The following XKR9 variants were observed in gnomAD, a reference collection of about 807,000 sequenced individuals.
The protein encoded by XKR9 is XK related 9.
A neutral mutation model predicts 32.0 loss-of-function variants in XKR9; 32 were observed. That is an observed-to-expected ratio of 1.00 (90% CI 0.76 to 1.34). The LOEUF is 1.34. XKR9 is among the 40% of genes most tolerant of loss of function. XKR9 has a pLI of 0.00. For missense variants in XKR9, 546 were observed against 429.7 expected (o/e 1.27, Z -2.39); for synonymous variants, 168 against 143.4 (o/e 1.17, Z -1.22).
chr8:70,783,261 C>T (rs192067565), intron 2 of XKR9, among the ~76,000 whole-genome samples: 35 of 150,810 alleles, frequency 2.3e-4, no homozygotes, highest in African/African-American at 8.3e-4. Context: ...CGGAGTCTGA[C>T]TCTCGCCCAG....
At chr8:70,968,639 G>A in the XKR9 span, among the ~76,000 whole-genome samples, 1 of 151,870 alleles carries the variant, frequency 6.6e-6, no homozygotes, top group African/African-American at 2.4e-5. Flanking sequence ...CTTTTTTGTT[G>A]ATGTTGTTGT....
At chr8:70,867,753 A>G in the XKR9 span, among the ~76,000 whole-genome samples, 11 of 152,114 alleles carry the variant, frequency 7.2e-5, no homozygotes, top group Non-Finnish European at 1.5e-4. Context: ...CAGCCAGTCA[A>G]TACCCCAAAG....
chr8:70,772,974 G>T (rs1008136603), intron 2 of XKR9, among the ~76,000 whole-genome samples: 3 of 152,152 alleles, frequency 2.0e-5, no homozygotes, highest in Non-Finnish European at 4.4e-5. Context: ...CCATTGGCTT[G>T]TTGGGAAATC....
chr8:70,788,998 T>C (rs1396225525), intron 2 of XKR9, among the ~76,000 whole-genome samples: 1 of 151,958 alleles, frequency 6.6e-6, no homozygotes, highest in Admixed American at 6.6e-5. Context: ...TATGAGAAAA[T>C]ATAGTGAAGT....
At chr8:71,045,263 G>A in the XKR9 span, among the ~76,000 whole-genome samples, 1 of 152,152 alleles carries the variant, frequency 6.6e-6, no homozygotes, top group Non-Finnish European at 1.5e-5. Context: ...TATCCGCAAA[G>A]CTTGTCACGT....
the XKR9 span, among the ~76,000 whole-genome samples, chr8:70,866,598 G>T: frequency 6.6e-6 from 1 of 151,842 alleles, no homozygotes; most frequent in African/African-American, 2.4e-5. Context: ...ATGAACTAAT[G>T]GAATTTTTTT....
the XKR9 span, among the ~76,000 whole-genome samples, chr8:70,815,964 G>T: frequency 1.3e-5 from 2 of 152,096 alleles, no homozygotes; most frequent in Non-Finnish European, 2.9e-5. Context: ...ACACATGCAT[G>T]TGTCTTTATA....
the XKR9 span, among the ~76,000 whole-genome samples, chr8:70,976,038 CTGTT>C: frequency 2.6e-5 from 4 of 152,258 alleles, no homozygotes; most frequent in Non-Finnish European, 4.4e-5. Context: ...ATTTGGCTCT[CTGTT>C]TGTCTGTTAT....
the XKR9 span, among the ~76,000 whole-genome samples, chr8:70,901,504 T>A: frequency 1.3e-5 from 2 of 152,026 alleles, no homozygotes. Flanking sequence ...TTTGAAGGGG[T>A]GTTTGGTTTT....
At chr8:70,888,677 T>G in the XKR9 span, among the ~76,000 whole-genome samples, 1 of 152,170 alleles carries the variant, frequency 6.6e-6, no homozygotes, top group East Asian at 1.9e-4. Flanking sequence ...CATATGTATA[T>G]CCAGTTTTCC....
chr8:70,721,871 C>T lies in XKR9; in HGVS notation c.494-11925C>T, dbSNP rs538121554. 1.4e-4 allele frequency among the ~76,000 whole-genome samples: 22 copies of T among 152,146 alleles called. No homozygotes were observed. The South Asian group carries it at 4.6e-3, about 32-fold the overall frequency. On this transcript the variant is annotated intron_variant, in intron 4 of 4. Transcript: ENST00000408926. ...CTGAATATCCTTGTTAATTTTCTGT[C>T]TCATTGATCTAATATTGACAGTGGG...
the XKR9 span, among the ~76,000 whole-genome samples, chr8:70,956,540 G>T: frequency 6.6e-6 from 1 of 152,114 alleles, no homozygotes; most frequent in African/African-American, 2.4e-5. Flanking sequence ...TTTCACTGGG[G>T]ACCTTCCCCC....
downstream of XKR9, among the ~76,000 whole-genome samples, chr8:70,738,919 TGTG>T (rs1437869120): frequency 2.0e-5 from 3 of 152,214 alleles, no homozygotes; most frequent in Non-Finnish European, 4.4e-5. Flanking sequence ...ATAGGTGTGG[TGTG>T]GTACTGAAAG....
the XKR9 span, among the ~76,000 whole-genome samples, chr8:70,835,861 A>G: frequency 2.0e-5 from 3 of 152,190 alleles, no homozygotes; most frequent in Admixed American, 2.0e-4. Context: ...TTTAGAATAG[A>G]TGATCTCAAA....
chr8:70,915,585 T>C, the XKR9 span, among the ~76,000 whole-genome samples: 2 of 152,180 alleles, frequency 1.3e-5, no homozygotes, highest in East Asian at 1.9e-4. Context: ...TTCTAGAAGA[T>C]TGATTTTTAT....
chr8:70,874,076 T>C, the XKR9 span, among the ~76,000 whole-genome samples: 1 of 152,200 alleles, frequency 6.6e-6, no homozygotes, highest in Non-Finnish European at 1.5e-5. Context: ...TATTTTTAAA[T>C]TAAGGTATGT....
the XKR9 span, among the ~76,000 whole-genome samples, chr8:70,860,807 T>A: frequency 2.0e-5 from 3 of 152,132 alleles, no homozygotes; most frequent in East Asian, 1.9e-4. Flanking sequence ...TTGGACTTGG[T>A]TGTGTGACCT....
the XKR9 span, among the ~76,000 whole-genome samples, chr8:70,799,820 G>T: frequency 6.6e-6 from 1 of 152,110 alleles, no homozygotes; most frequent in Non-Finnish European, 1.5e-5. Flanking sequence ...GGGGTAGTTT[G>T]ACTTCCTCTC....
At chr8:70,908,623 A>G in the XKR9 span, among the ~76,000 whole-genome samples, 2 of 152,242 alleles carry the variant, frequency 1.3e-5, no homozygotes. Context: ...TTACTATTCA[A>G]TTATTCCACT....
Sources: allele counts gnomAD v4.1 joint callset (sites outside exome capture counted in the v4.1 genomes callset), GRCh38; gene constraint gnomAD v4.1.1; transcripts MANE v1.5; gene names NCBI Gene and HGNC (gene_info 2026-07-23, HGNC 2026-07-21).